DCDC2: variants seen among roughly 807,000 people sequenced by gnomAD.
The protein encoded by DCDC2 is doublecortin domain containing 2.
In DCDC2, 40 loss-of-function variants were observed where a neutral mutation model predicts 50.2. The observed-to-expected ratio is 0.80, with a 90% CI of 0.62 to 1.04. The LOEUF is 1.04. DCDC2 is among the 50% of genes least tolerant of loss of function. DCDC2 has a pLI of 0.00. For missense variants in DCDC2, 570 were observed against 581.9 expected (o/e 0.98, Z 0.21); for synonymous variants, 234 against 210.6 (o/e 1.11, Z -0.96).
intron 2 of DCDC2, among the ~76,000 whole-genome samples, chr6:24,319,533 C>A (rs1378794989): frequency 2.6e-5 from 4 of 151,934 alleles, no homozygotes; most frequent in Non-Finnish European, 5.9e-5. Flanking sequence ...CTTGCTTGTG[C>A]TTTTGAGGTC....
At chr6:24,291,228 C>T (rs1763737271) in intron 4 of DCDC2, 150 bp from the exon 5 acceptor site, 13 of 760,750 alleles carry the variant, frequency 1.7e-5, no homozygotes, top group South Asian at 1.3e-4. Flanking sequence ...TGTTACTATC[C>T]TCATTATTGC....
At chr6:24,219,255 TAA>T (rs1012717082) in intron 7 of DCDC2, among the ~76,000 whole-genome samples, 3 of 152,224 alleles carry the variant, frequency 2.0e-5, no homozygotes, top group African/African-American at 4.8e-5. Flanking sequence ...CAGCAAGATA[TAA>T]GTTAATAATG....
chr6:24,373,819 A>G, the DCDC2 span, among the ~76,000 whole-genome samples: 2 of 152,220 alleles, frequency 1.3e-5, no homozygotes, highest in African/African-American at 4.8e-5. Context: ...AAGAAGATGA[A>G]TAAGCTAATT....
chr6:24,361,408 A>G (rs753648384), upstream of DCDC2, among the ~76,000 whole-genome samples: 8 of 151,682 alleles, frequency 5.3e-5, no homozygotes, highest in Non-Finnish European at 8.8e-5. Context: ...CTGCACATGT[A>G]CCCCTGAACC....
intron 2 of DCDC2, among the ~76,000 whole-genome samples, chr6:24,335,879 G>A (rs4541735): frequency 0.31 from 46,911 of 151,606 alleles, 8,805 homozygotes; most frequent in African/African-American, 0.53. Flanking sequence ...CTCCTACCTG[G>A]TCCCACCCTC....
At chr6:24,178,672 A>G (rs750735709) in intron 8 of DCDC2, 40 bp from the exon 9 acceptor site, 4 of 1,556,158 alleles carry the variant, frequency 2.6e-6, no homozygotes, top group South Asian at 1.2e-5. Context: ...AGTAAGAAGC[A>G]TAACAGAACA....
At chr6:24,359,101 T>TTA (rs1561788915), upstream of DCDC2, among the ~76,000 whole-genome samples, 24 of 56,126 alleles carry the variant, frequency 4.3e-4, no homozygotes, top group South Asian at 0.011. Flanking sequence ...ATTATATATT[T>TTA]TATATATTAT....
At chr6:24,301,404 T>G (rs1759371982) in intron 4 of DCDC2, among the ~76,000 whole-genome samples, 1 of 146,522 alleles carries the variant, frequency 6.8e-6, no homozygotes, top group African/African-American at 2.6e-5. Context: ...GTTAAGGGGC[T>G]GGCTCTTTCA....
intron 4 of DCDC2, among the ~76,000 whole-genome samples, chr6:24,296,097 A>C (rs1254224152): frequency 1.3e-5 from 2 of 152,240 alleles, no homozygotes; most frequent in East Asian, 3.8e-4. Context: ...TTCAGTAACC[A>C]AAACAGCATG....
At chr6:24,282,641 C>G (rs1353447019) in intron 6 of DCDC2, among the ~76,000 whole-genome samples, 1 of 152,018 alleles carries the variant, frequency 6.6e-6, no homozygotes, top group Non-Finnish European at 1.5e-5. Flanking sequence ...TTTCCAGTCC[C>G]CATGAAAATG....
rs752452396 is a variant in DCDC2, at chr6:24,178,321, T to C, written c.1326+9A>G. On this transcript the variant is annotated intron_variant, in intron 9 of 9. Coordinates refer to ENST00000378454, the MANE Select transcript of DCDC2 (RefSeq NM_016356.5). ...CATTCACATAAGCAAGCAAAAGCAA[T>C]AGAAATACCTCATCTTGTCCACTGC... is the stretch of plus-strand genomic sequence containing the variant. The C allele has an allele frequency of 1.2e-5, 20 of 1,609,696 alleles. No individual in the cohort carries two copies. Among genetic ancestry groups the C allele is most frequent in the Non-Finnish European group, 1.4e-5 (16 of 1,177,372 alleles).
rs78447740 is a variant in DCDC2, at chr6:24,327,482, T to TTATTTATC, written c.349-25439_349-25438insGATAAATA. Among the ~76,000 whole-genome samples the TTATTTATC allele has an allele frequency of 3.1e-4, 46 of 147,806 alleles. 10 individuals are homozygous for TTATTTATC. In the East Asian group the frequency reaches 0.01, roughly 33 times the overall value. ...TTTATTTATTTATTTATTTATTTAT[T>TTATTTATC]TATTGGCTGATACGGAGTTTTGCTC... On this transcript the variant is annotated intron_variant, in intron 2 of 9. Coordinates refer to ENST00000378454, the MANE Select transcript of DCDC2 (RefSeq NM_016356.5).
intron 2 of DCDC2, among the ~76,000 whole-genome samples, chr6:24,348,691 A>T (rs1280688803): frequency 6.6e-6 from 1 of 152,208 alleles, no homozygotes; most frequent in Admixed American, 6.5e-5. Context: ...AGGCTAAAAA[A>T]CAAAAGGGTC....
At chr6:24,298,010 TC>T (rs1188470884) in intron 4 of DCDC2, among the ~76,000 whole-genome samples, 1 of 152,168 alleles carries the variant, frequency 6.6e-6, no homozygotes, top group East Asian at 1.9e-4. Context: ...AGAGCAGTGG[TC>T]CCCAACTTTT....
chr6:24,328,908 G>A (rs182247652), intron 2 of DCDC2, among the ~76,000 whole-genome samples: 273 of 152,194 alleles, frequency 1.8e-3, no homozygotes, highest in African/African-American at 6.3e-3. Flanking sequence ...TCATGTATCC[G>A]ATACATGATA....
chr6:24,327,493 T>C lies in DCDC2; in HGVS notation c.349-25449A>G, dbSNP rs1167484968. Among the ~76,000 whole-genome samples, 3 of 138,338 alleles carry C rather than the reference T, an allele frequency of 2.2e-5. 1 individual carries two copies. Among genetic ancestry groups the C allele is most frequent in the East Asian group, 5.1e-4 (2 of 3,952 alleles). The allele number at this position is 138,338 out of a possible 152,430, so 90.8% of individuals were successfully genotyped here. A position where few individuals can be genotyped will look rare whatever the true frequency, so the allele number is the denominator to read the frequency against. ...ATTTATTTATTTATTTATTGGCTGA[T>C]ACGGAGTTTTGCTCTTGTTGCCCAG... On this transcript the variant is annotated intron_variant, in intron 2 of 9. Transcript: ENST00000378454.
intron 2 of DCDC2, among the ~76,000 whole-genome samples, chr6:24,315,067 T>C (rs963720254): frequency 5.3e-5 from 8 of 152,166 alleles, no homozygotes; most frequent in Non-Finnish European, 1.2e-4. Flanking sequence ...CATTGCTATA[T>C]AATAGCTATA....
At chr6:24,184,288 T>C (rs903626158) in intron 8 of DCDC2, among the ~76,000 whole-genome samples, 3 of 152,192 alleles carry the variant, frequency 2.0e-5, no homozygotes, top group Non-Finnish European at 4.4e-5. Flanking sequence ...ATTACTGACC[T>C]GAGGCTGGGC....
intron 8 of DCDC2, among the ~76,000 whole-genome samples, chr6:24,187,524 C>CA (rs1289101219): frequency 4.6e-5 from 7 of 151,320 alleles, no homozygotes; most frequent in African/African-American, 9.7e-5. Flanking sequence ...TATTTATGTG[C>CA]AAAAAAAATA....
Sources: allele counts gnomAD v4.1 joint callset (sites outside exome capture counted in the v4.1 genomes callset), GRCh38; gene constraint gnomAD v4.1.1; transcripts MANE v1.5; gene names NCBI Gene and HGNC (gene_info 2026-07-23, HGNC 2026-07-21).